The following RDH10 variants were observed in gnomAD, a reference collection of about 807,000 sequenced individuals.
RDH10 encodes retinol dehydrogenase 10 (all-trans).
A neutral mutation model predicts 30.2 loss-of-function variants in RDH10; 12 were observed. The ratio of observed to expected loss-of-function variants is 0.40; its 90% CI spans 0.25 to 0.64. The LOEUF (loss-of-function observed/expected upper bound fraction) is 0.64, where lower values mean the gene tolerates loss of function less well. RDH10 is among the 30% of genes least tolerant of loss of function. The probability of loss-of-function intolerance (pLI) is 0.43; values close to 1 mark genes in which losing one functional copy is unlikely to be tolerated. For synonymous variants in RDH10, 189 were observed against 172.2 expected (o/e 1.10, Z -0.76); for missense variants, 268 against 445.2 (o/e 0.60, Z 3.58).
rs575589662 is a variant in RDH10 at position 73,316,210 on chromosome 8, G to A, written c.526-2886G>A. On this transcript the variant is annotated intron_variant, in intron 2 of 5. Transcript: ENST00000240285. Reference sequence around the variant, plus strand: ...TTTTTGTATTTTTTGTAGAGGCAGCGTTTCACAGTGTTTCCTAGGGTGGTC... The same window carrying A: ...TTTTTGTATTTTTTGTAGAGGCAGCATTTCACAGTGTTTCCTAGGGTGGTC... Among the ~76,000 whole-genome samples the A allele has an allele frequency of 1.5e-3, 232 of 152,050 alleles. 2 individuals carry two copies. Among genetic ancestry groups the A allele is most frequent in the African/African-American group, 4.9e-3 (205 of 41,472 alleles).
At chr8:73,316,192 A>G (rs1266487576) in intron 2 of RDH10, among the ~76,000 whole-genome samples, 1 of 151,808 alleles carries the variant, frequency 6.6e-6, no homozygotes, top group African/African-American at 2.4e-5. Flanking sequence ...AATTTTTTGT[A>G]TTTTTTGTAG....
chr8:73,315,345 G>A (rs1814644194), intron 2 of RDH10: 1 of 197,138 alleles, frequency 5.1e-6, no homozygotes, highest in African/African-American at 2.4e-5. Context: ...TTGGGGGTGG[G>A]GGGAGGGTCC....
In RDH10 at chr8:73,295,246, C is replaced by T; in HGVS notation, c.-44C>T. On this transcript the variant is annotated 5_prime_UTR_variant, in exon 1 of 6. Coordinates refer to ENST00000240285, the MANE Select transcript of RDH10 (RefSeq NM_172037.5). The stretch of plus-strand genomic sequence containing the variant: ...GCCCGATTGCCGGGCTCGGGGTGGG[C>T]GCGGACGCAGGCACTGGGCTCGTGC... 6.7e-7 allele frequency: 1 copy of T among 1,484,604 alleles called. No individual in the cohort carries two copies. Among genetic ancestry groups the T allele is most frequent in the Non-Finnish European group, 8.9e-7 (1 of 1,118,724 alleles). The allele number at this position is 1,484,604 out of a possible 1,614,324, so 92.0% of individuals were successfully genotyped here.
At chr8:73,315,451 TACC>T in intron 2 of RDH10, 1 of 334,720 alleles carries the variant, frequency 3.0e-6, no homozygotes, top group South Asian at 2.4e-5. Flanking sequence ...TTTAATTTAA[TACC>T]ACCAGATTCA....
In RDH10 at chr8:73,323,088, C is replaced by A; in HGVS notation, c.*52C>A. On this transcript the variant is annotated 3_prime_UTR_variant, in exon 6 of 6. Transcript: ENST00000240285. Reference sequence around the variant, plus strand: ...CTATCAGAAGATGATCAAGATGTTTCAGTCCAGTGCACATCAGCATTGCTG... The same window carrying A: ...CTATCAGAAGATGATCAAGATGTTTAAGTCCAGTGCACATCAGCATTGCTG... The A allele has an allele frequency of 1.4e-6, 2 of 1,399,242 alleles. No individual in the cohort carries two copies. Among genetic ancestry groups the A allele is most frequent in the Non-Finnish European group, 2.0e-6 (2 of 987,200 alleles). 86.7% of individuals were successfully genotyped at this position (1,399,242 alleles called of 1,614,324 possible).
At chr8:73,321,972 G>A (rs1814779242) in intron 4 of RDH10, 3 of 456,258 alleles carry the variant, frequency 6.6e-6, no homozygotes, top group Non-Finnish European at 8.8e-6. Flanking sequence ...ATGTGTGTGT[G>A]TTGGTGGTTT....
chr8:73,294,856 T>C lies in RDH10; in HGVS notation c.-434T>C, dbSNP rs1322826058. The C allele has an allele frequency of 2.6e-6, 1 of 388,590 alleles. No homozygotes were observed. The highest frequency in any genetic ancestry group is 4.6e-6 in the Non-Finnish European group (1 of 219,542). The allele number at this position is 388,590 out of a possible 1,614,324, so 24.1% of individuals were successfully genotyped here. A position where few individuals can be genotyped will look rare whatever the true frequency, so the allele number is the denominator to read the frequency against. ...CGGCAGCCCGCTGGCCCGTGCCGCC[T>C]CCGCTGCGCACCCCTCCCCCGGGGT... On this transcript the variant is annotated 5_prime_UTR_variant, in exon 1 of 6. Transcript: ENST00000240285.
In RDH10 at chr8:73,295,511, G is replaced by A; in HGVS notation, c.222G>A (p.Glu74=). 6.4e-7 allele frequency: 1 copy of A among 1,556,468 alleles called. No individual in the cohort carries two copies. Among genetic ancestry groups the A allele is most frequent in the African/African-American group, 1.4e-5 (1 of 73,188 alleles). ...GGGACATCAACACGCAAAGCAACGA[G>A]GAGACGGCTGGCATGGTGCGCCACA... The part of the protein sequence containing the change: ...VLWDINTQSN[E]ETAGMVRHIY... The change falls in exon 1 of 6, where the codon GAG becomes GAA. Residue 74 remains glutamate, a synonymous_variant. Transcript: ENST00000240285.
At chr8:73,308,114 C>CA (rs962548431) in intron 2 of RDH10, among the ~76,000 whole-genome samples, 1 of 152,030 alleles carries the variant, frequency 6.6e-6, no homozygotes, top group East Asian at 1.9e-4. Flanking sequence ...AAATTAGACA[C>CA]AAAAAAAGTC....
intron 2 of RDH10, among the ~76,000 whole-genome samples, chr8:73,314,490 G>T (rs1486639516): frequency 6.6e-6 from 1 of 152,244 alleles, no homozygotes; most frequent in African/African-American, 2.4e-5. Flanking sequence ...CAAAGGAAAT[G>T]ATTAACAGCC....
chr8:73,297,317 A>T lies in RDH10; in HGVS notation c.413A>T (p.Glu138Val). ...TAERVRKEVG[E>V]VSVLVNNAGV... ...GAAAGAGTCCGCAAGGAGGTTGGCG[A>T]AGTCTCAGTCCTGGTCAATAATGCT... Residue 138 changes from glutamate to valine, a missense_variant, in exon 2 of 6, where the codon GAA becomes GTA. Around this residue, in one of 4 missense-constraint regions of RDH10, gnomAD observed 136 missense variants for 288.8 expected, o/e 0.47. Transcript: ENST00000240285. The T allele has an allele frequency of 6.2e-7, 1 of 1,614,150 alleles. No homozygotes were observed. The highest frequency in any genetic ancestry group is 8.5e-7 in the Non-Finnish European group (1 of 1,179,978).
At chr8:73,301,794 G>A (rs1654050152) in intron 2 of RDH10, among the ~76,000 whole-genome samples, 1 of 152,206 alleles carries the variant, frequency 6.6e-6, no homozygotes, top group African/African-American at 2.4e-5. Context: ...GACTAAAGCT[G>A]TGTAAGACCA....
chr8:73,297,185 T>G lies in RDH10; in HGVS notation c.290-9T>G. ...CATGTTTTCTCCTCATCTGGACTTC[T>G]GAGGACAGCTGGGAATGGTGAGGAA... On this transcript the variant is annotated splice_polypyrimidine_tract_variant and intron_variant, in intron 1 of 5. Transcript: ENST00000240285. 1 of 1,556,970 alleles carries G rather than the reference T, an allele frequency of 6.4e-7. No homozygotes were observed. The highest frequency in any genetic ancestry group is 8.9e-7 in the Non-Finnish European group (1 of 1,127,776).
chr8:73,308,021 A>G (rs1474354878), intron 2 of RDH10, among the ~76,000 whole-genome samples: 1 of 152,136 alleles, frequency 6.6e-6, no homozygotes, highest in Non-Finnish European at 1.5e-5. Flanking sequence ...GGAGAGAGTT[A>G]TTATTTCCTT....
chr8:73,324,151 T>C lies in RDH10; in HGVS notation c.*1115T>C, dbSNP rs1045235254. On this transcript the variant is annotated 3_prime_UTR_variant, in exon 6 of 6. Transcript: ENST00000240285. ...TCTGCAAAGGAACAGTTTTTAAAAATGGGAACTTCTACATTGAAAAGTCCC... is the reference window on the plus strand; with the variant it reads ...TCTGCAAAGGAACAGTTTTTAAAAACGGGAACTTCTACATTGAAAAGTCCC... 1 of 152,672 alleles carries C rather than the reference T, an allele frequency of 6.5e-6. No homozygotes were observed. The allele number at this position is 152,672 out of a possible 1,614,324, so 9.5% of individuals were successfully genotyped here. A position where few individuals can be genotyped will look rare whatever the true frequency, so the allele number is the denominator to read the frequency against.
chr8:73,311,268 G>A (rs1040630337), intron 2 of RDH10: 77 of 152,182 alleles, frequency 5.1e-4, no homozygotes, highest in African/African-American at 1.8e-3. Context: ...TGGCAGTCAG[G>A]ACCAAGTGGG....
intron 3 of RDH10, among the ~76,000 whole-genome samples, chr8:73,320,120 C>G (rs17287304): frequency 0.19 from 29,641 of 152,200 alleles, 2,934 homozygotes; most frequent in Middle Eastern, 0.22. Context: ...TTCATTTTAA[C>G]TTCGCCTTAC....
chr8:73,322,658 T>A, intron 4 of RDH10, 21 bp from the exon 5 acceptor site: 1 of 1,598,332 alleles, frequency 6.3e-7, no homozygotes, highest in Non-Finnish European at 8.6e-7. Context: ...TTCATTTTGT[T>A]TTTGAATAAA....
rs772901868 is a variant in RDH10 at position 73,322,893 on chromosome 8, C to T, written c.903-20C>T. On this transcript the variant is annotated intron_variant, in intron 5 of 5. Transcript: ENST00000240285. ...ATTGAAACTTCAAGTTTGCTAACAG[C>T]TGTGACTTCCCTTTTTCAGCATCCT... 2.5e-6 allele frequency: 4 copies of T among 1,614,086 alleles called. No homozygotes were observed. Among genetic ancestry groups the T allele is most frequent in the Non-Finnish European group, 3.4e-6 (4 of 1,179,944 alleles).
Sources: allele counts gnomAD v4.1 joint callset (sites outside exome capture counted in the v4.1 genomes callset), GRCh38; gene constraint gnomAD v4.1.1; regional missense constraint gnomAD v4.1.1; transcripts MANE v1.5; gene names NCBI Gene and HGNC (gene_info 2026-07-23, HGNC 2026-07-21).